Variants in MRTFA observed in about 807,000 individuals in gnomAD.
MRTFA encodes the protein myocardin-related transcription factor A.
MRTFA carries 20 observed loss-of-function variants against 83.5 expected under a neutral mutation model. That is an observed-to-expected ratio of 0.24 (90% CI 0.17 to 0.35). The LOEUF is 0.35. Ranked by LOEUF, MRTFA falls within the 10% of genes least tolerant of loss-of-function variation. MRTFA has a pLI of 1.00. For missense variants in MRTFA, 1,200 were observed against 1,224.7 expected, an observed-to-expected ratio of 0.98 and a Z score of 0.30; for synonymous variants, 659 against 541.2, an observed-to-expected ratio of 1.22 and a Z score of -3.02.
chr22:40,617,424 G>C (rs1210479194), intron 1 of MRTFA, among the ~76,000 whole-genome samples: 3 of 152,118 alleles, frequency 2.0e-5, no homozygotes, highest in African/African-American at 7.2e-5. Context: ...AAAATGGCAG[G>C]TGTGGTAGAA....
chr22:40,498,275 T>TATATA (rs2054394871), intron 3 of MRTFA, among the ~76,000 whole-genome samples: 6 of 45,626 alleles, frequency 1.3e-4, no homozygotes, highest in African/African-American at 4.2e-4. Flanking sequence ...ATATATATAT[T>TATATA]TTTTTTTTTT....
At chr22:40,629,796 A>C (rs1602515328) in intron 1 of MRTFA, among the ~76,000 whole-genome samples, 3 of 151,490 alleles carry the variant, frequency 2.0e-5, no homozygotes, top group African/African-American at 7.3e-5. Context: ...AAAAAAAAAA[A>C]AAAATTAGCC....
chr22:40,610,932 C>CTTTTTTTTTT (rs746175814), intron 1 of MRTFA, among the ~76,000 whole-genome samples: 2 of 108,370 alleles, frequency 1.8e-5, no homozygotes, highest in Admixed American at 9.6e-5. Context: ...TTTTCTTTTA[C>CTTTTTTTTTT]TTTTTTTTTT....
At chr22:40,490,183 A>G (rs1172962436) in intron 3 of MRTFA, among the ~76,000 whole-genome samples, 1 of 152,142 alleles carries the variant, frequency 6.6e-6, no homozygotes, top group Non-Finnish European at 1.5e-5. Flanking sequence ...CCAAGTCCTA[A>G]GCCATACTAT....
At chr22:40,629,218 C>T (rs1006583155) in intron 1 of MRTFA, among the ~76,000 whole-genome samples, 59 of 148,516 alleles carry the variant, frequency 4.0e-4, no homozygotes, top group African/African-American at 1.2e-3. Flanking sequence ...CCGAGGCGGG[C>T]GGATCACTTG....
intron 3 of MRTFA, among the ~76,000 whole-genome samples, chr22:40,534,950 T>A (rs550440076): frequency 6.6e-6 from 1 of 152,296 alleles, no homozygotes; most frequent in East Asian, 1.9e-4. Context: ...AGGCAATATT[T>A]TGTTATTAGT....
At position 40,419,123 on chromosome 22, in the gene MRTFA, T is replaced by C. The variant is rs773909607; in HGVS notation, c.1615A>G (p.Ser539Gly). The change falls in exon 12 of 15, where the codon AGT becomes GGT. Residue 539 changes from serine to glycine, a missense_variant. This residue lies in a region of MRTFA where 1,107 missense variants were observed against 1,041.8 expected (regional missense o/e 1.06). Transcript: ENST00000355630. ...GTGCTGCCAAACTTCACCACCCCAC[T>C]GCTGGCCACCGTGGCCACCACCACC... The C allele has an allele frequency of 6.3e-7, 1 of 1,590,916 alleles. No individual in the cohort carries two copies. Among genetic ancestry groups the C allele is most frequent in the South Asian group, 1.1e-5 (1 of 88,600 alleles).
intron 7 of MRTFA, among the ~76,000 whole-genome samples, chr22:40,426,878 G>A (rs1195463607): frequency 6.6e-6 from 1 of 152,142 alleles, no homozygotes; most frequent in East Asian, 1.9e-4. Context: ...CTCTCTAGGC[G>A]CCAAGGACCA....
At chr22:40,556,317 A>G (rs1282402749) in intron 2 of MRTFA, among the ~76,000 whole-genome samples, 1 of 152,228 alleles carries the variant, frequency 6.6e-6, no homozygotes, top group Non-Finnish European at 1.5e-5. Context: ...TAGAAACTAA[A>G]AAGACAATTA....
chr22:40,437,137 G>A (rs1000080313), intron 4 of MRTFA, among the ~76,000 whole-genome samples: 1 of 152,160 alleles, frequency 6.6e-6, no homozygotes, highest in Admixed American at 6.5e-5. Context: ...AGAAAAACCA[G>A]TACAAGTTAC....
intron 2 of MRTFA, among the ~76,000 whole-genome samples, chr22:40,559,599 A>C (rs1344815995): frequency 6.6e-6 from 1 of 151,350 alleles, no homozygotes; most frequent in Non-Finnish European, 1.5e-5. Flanking sequence ...TAGAGACGAG[A>C]TCTCACTATG....
At chr22:40,534,709 T>A (rs1201959409) in intron 3 of MRTFA, among the ~76,000 whole-genome samples, 3 of 152,226 alleles carry the variant, frequency 2.0e-5, no homozygotes, top group African/African-American at 2.4e-5. Flanking sequence ...AACAATGATA[T>A]TAAGATTACT....
At chr22:40,480,446 T>C (rs958575528) in intron 3 of MRTFA, among the ~76,000 whole-genome samples, 1 of 151,950 alleles carries the variant, frequency 6.6e-6, no homozygotes, top group African/African-American at 2.4e-5. Flanking sequence ...ACTATATTGA[T>C]AGTGTTATCA....
At chr22:40,529,496 T>C (rs1386531335) in intron 3 of MRTFA, among the ~76,000 whole-genome samples, 1 of 152,056 alleles carries the variant, frequency 6.6e-6, no homozygotes, top group Non-Finnish European at 1.5e-5. Flanking sequence ...TTTGTATTTT[T>C]AGTAGAGATG....
At chr22:40,514,926 T>TG (rs1421096068) in intron 3 of MRTFA, among the ~76,000 whole-genome samples, 17 of 150,446 alleles carry the variant, frequency 1.1e-4, no homozygotes, top group African/African-American at 3.7e-4. Flanking sequence ...TTTTTTTTTT[T>TG]GAGACAGAGT....
In MRTFA at chr22:40,473,043, T is replaced by A. The variant is rs370321923; in HGVS notation, c.242-9757A>T. Among the ~76,000 whole-genome samples, 7 of 152,200 alleles carry A rather than the reference T, an allele frequency of 4.6e-5. No homozygotes were observed. The South Asian group carries it at 1.0e-3, about 22-fold the overall frequency. On this transcript the variant is annotated intron_variant, in intron 3 of 14. Coordinates refer to ENST00000355630, the MANE Select transcript of MRTFA (RefSeq NM_020831.6). The stretch of plus-strand genomic sequence containing the variant: ...CAACCCAATAAAGAGATAAAATCTG[T>A]TATCTCTAGATGCACTTCTGTGAAT...
intron 4 of MRTFA, among the ~76,000 whole-genome samples, chr22:40,444,850 T>C (rs1019756787): frequency 2.6e-5 from 4 of 152,104 alleles, no homozygotes; most frequent in Middle Eastern, 3.4e-3. Flanking sequence ...AGTGGATCAC[T>C]TGAGGCCAGG....
In MRTFA at chr22:40,411,527, TGTCCAGGTGGCCATCAGCCAG is replaced by T; in HGVS notation, c.2938_2958del (p.Leu980_Asp986del). 1 of 1,613,190 alleles carries T rather than the reference TGTCCAGGTGGCCATCAGCCAG, an allele frequency of 6.2e-7. No individual in the cohort carries two copies. The highest frequency in any genetic ancestry group is 1.1e-5 in the South Asian group (1 of 91,000). The stretch of plus-strand genomic sequence containing the variant: ...GACGACAGCTCCAGCCAGTCCATGC[TGTCCAGGTGGCCATCAGCCAG>T]GTCCAGGCCCATGGTGCTGCTGGGC... On this transcript the variant is annotated inframe_deletion, in exon 15 of 15. Coordinates refer to ENST00000355630, the MANE Select transcript of MRTFA (RefSeq NM_020831.6).
chr22:40,444,275 G>A (rs1448301708), intron 4 of MRTFA, among the ~76,000 whole-genome samples: 3 of 152,150 alleles, frequency 2.0e-5, no homozygotes, highest in East Asian at 1.9e-4. Flanking sequence ...AGAGACTGGA[G>A]AAGGGAAATA....
Sources: allele counts gnomAD v4.1 joint callset (sites outside exome capture counted in the v4.1 genomes callset), GRCh38; gene constraint gnomAD v4.1.1; regional missense constraint gnomAD v4.1.1; transcripts MANE v1.5; gene names NCBI Gene and HGNC (gene_info 2026-07-23, HGNC 2026-07-21).